The following CELF2 variants were observed in gnomAD, a reference collection of about 807,000 sequenced individuals.
CELF2 encodes the protein CUG triplet repeat RNA-binding protein 2.
A neutral mutation model predicts 62.6 loss-of-function variants in CELF2; 8 were observed. The ratio of observed to expected loss-of-function variants is 0.13; its 90% CI spans 0.07 to 0.23. The LOEUF (loss-of-function observed/expected upper bound fraction) is 0.23. CELF2 is among the 10% of genes least tolerant of loss of function. The pLI, the probability that CELF2 is intolerant of heterozygous loss-of-function variation, is 1.00. For synonymous variants in CELF2, 258 were observed against 250.0 expected (o/e 1.03, Z -0.30); for missense variants, 333 against 671.0 (o/e 0.50, Z 5.56).
At chr10:10,464,535 C>T in the CELF2 span, among the ~76,000 whole-genome samples, 2 of 151,936 alleles carry the variant, frequency 1.3e-5, no homozygotes, top group Non-Finnish European at 2.9e-5. Flanking sequence ...ACCAAAATCC[C>T]GTACGTGAAA....
intron 2 of CELF2, among the ~76,000 whole-genome samples, chr10:10,960,603 A>G (rs2135961386): frequency 6.6e-6 from 1 of 152,216 alleles, no homozygotes; most frequent in East Asian, 1.9e-4. Flanking sequence ...AGTGTATTTT[A>G]TTGTATTGCG....
upstream of CELF2, among the ~76,000 whole-genome samples, chr10:11,001,112 C>T (rs2054476309): frequency 6.6e-6 from 1 of 152,220 alleles, no homozygotes; most frequent in African/African-American, 2.4e-5. Context: ...CACTGCAAAT[C>T]CATTTCTTTT....
At chr10:10,943,982 C>T (rs921190031) in intron 2 of CELF2, among the ~76,000 whole-genome samples, 2 of 152,094 alleles carry the variant, frequency 1.3e-5, no homozygotes, top group African/African-American at 4.8e-5. Context: ...AGTTCTCTAC[C>T]CTCACAAGGG....
intron 2 of CELF2, among the ~76,000 whole-genome samples, chr10:11,201,657 G>A (rs139842812): frequency 6.6e-6 from 1 of 152,312 alleles, no homozygotes; most frequent in Non-Finnish European, 1.5e-5. Context: ...GCAGACACTG[G>A]TAGTCCCTGC....
chr10:10,588,400 G>A, the CELF2 span, among the ~76,000 whole-genome samples: 1 of 152,162 alleles, frequency 6.6e-6, no homozygotes, highest in Admixed American at 6.6e-5. Flanking sequence ...ACTCCTCTGG[G>A]CCTCAGATGA....
Position 11,328,497 on chromosome 10 carries a change from G to A in CELF2, c.1439-429G>A, listed in dbSNP as rs963693306. 2.0e-5 allele frequency among the ~76,000 whole-genome samples: 3 copies of A among 152,198 alleles called. No individual in the cohort carries two copies. The highest frequency in any genetic ancestry group is 2.4e-5 in the African/African-American group (1 of 41,438). ...CTGCCTGTTGGCCTCACCTGGCTGG[G>A]ACACGTGAGCCCCTAGGGGCCCCCA... On this transcript the variant is annotated intron_variant, in intron 12 of 12. Transcript: ENST00000633077. The surrounding 1 kb of genome is among the most constrained non-coding windows in gnomAD (Gnocchi z 6.4).
In CELF2 at chr10:10,951,195, G is replaced by A. The variant is rs76633587; in HGVS notation, c.89+31196G>A. On this transcript the variant is annotated intron_variant, in intron 2 of 13. Coordinates refer to the CELF2 transcript ENST00000636488. ...AGATGGGGTCTCACTCTGTTGCCCAGGCTGGAGATACGATCATAGTTCTCA... is the reference window on the plus strand; with the variant it reads ...AGATGGGGTCTCACTCTGTTGCCCAAGCTGGAGATACGATCATAGTTCTCA... 9.7e-3 allele frequency among the ~76,000 whole-genome samples: 1,479 copies of A among 152,230 alleles called. 17 individuals carry two copies. Among genetic ancestry groups the A allele is most frequent in the African/African-American group, 0.034 (1,407 of 41,526 alleles).
At chr10:10,976,908 CCTT>C (rs2051408802) in intron 2 of CELF2, among the ~76,000 whole-genome samples, 1 of 152,156 alleles carries the variant, frequency 6.6e-6, no homozygotes, top group Admixed American at 6.5e-5. Context: ...TCCAGATAAC[CCTT>C]CTTCTGCCTA....
At chr10:11,162,147 A>G (rs1321367750) in intron 1 of CELF2, among the ~76,000 whole-genome samples, 1 of 151,574 alleles carries the variant, frequency 6.6e-6, no homozygotes, top group East Asian at 1.9e-4. Flanking sequence ...CATACCACCC[A>G]TTTCAGCAGT....
chr10:10,591,784 A>G, the CELF2 span, among the ~76,000 whole-genome samples: 3 of 152,140 alleles, frequency 2.0e-5, no homozygotes, highest in African/African-American at 7.2e-5. Context: ...AGGCTTTGTC[A>G]CCAGTAGCTC....
At chr10:11,035,486 G>T (rs73571699) in intron 1 of CELF2, among the ~76,000 whole-genome samples, 11 of 152,192 alleles carry the variant, frequency 7.2e-5, no homozygotes, top group Admixed American at 7.2e-4. Flanking sequence ...CAGCCAAAGC[G>T]TGACCACAGC....
At chr10:11,102,033 C>T (rs1040044737) in intron 1 of CELF2, 1 of 152,130 alleles carries the variant, frequency 6.6e-6, no homozygotes, top group African/African-American at 2.4e-5. Flanking sequence ...TGGGCCTTTA[C>T]TGAACTAATT....
At chr10:11,265,091 C>T (rs1456892924) in intron 5 of CELF2, among the ~76,000 whole-genome samples, 2 of 152,182 alleles carry the variant, frequency 1.3e-5, no homozygotes, top group Admixed American at 6.5e-5. Flanking sequence ...TTAAAAGGTG[C>T]CGCTACAGTA....
intron 1 of CELF2, among the ~76,000 whole-genome samples, chr10:11,034,549 G>C (rs959313883): frequency 1.6e-4 from 24 of 152,068 alleles, no homozygotes; most frequent in Admixed American, 1.3e-3. Context: ...CTGTTGATTG[G>C]TGGAAATGTG....
At chr10:10,646,014 C>T in the CELF2 span, among the ~76,000 whole-genome samples, 1 of 152,168 alleles carries the variant, frequency 6.6e-6, no homozygotes, top group Non-Finnish European at 1.5e-5. Context: ...ATGCACTAAT[C>T]CTAATCTTTT....
the CELF2 span, among the ~76,000 whole-genome samples, chr10:10,638,753 C>A: frequency 2.0e-5 from 3 of 152,166 alleles, no homozygotes; most frequent in African/African-American, 4.8e-5. Flanking sequence ...TGGCAAAGGA[C>A]TAAGTTTTCT....
At chr10:10,521,439 T>C in the CELF2 span, among the ~76,000 whole-genome samples, 9 of 152,226 alleles carry the variant, frequency 5.9e-5, no homozygotes, top group Admixed American at 5.2e-4. Context: ...AGATTAATCA[T>C]AGCAATTATT....
the CELF2 span, among the ~76,000 whole-genome samples, chr10:10,743,100 CCA>C: frequency 2.6e-5 from 4 of 152,146 alleles, no homozygotes; most frequent in African/African-American, 9.7e-5. Flanking sequence ...ATATTAGATC[CCA>C]CAGAGTTTAC....
chr10:11,071,319 T>C (rs1358964995), intron 1 of CELF2, among the ~76,000 whole-genome samples: 1 of 152,168 alleles, frequency 6.6e-6, no homozygotes, highest in African/African-American at 2.4e-5. Flanking sequence ...TGTCTTATCT[T>C]GGTTTACTCT....
Sources: gnomAD v4.1 joint callset for allele counts (sites outside exome capture counted in the v4.1 genomes callset) on GRCh38, gnomAD v4.1.1 for gene constraint, Gnocchi (gnomAD v3.1) non-coding constraint, MANE v1.5 for transcripts, NCBI Gene and HGNC (gene_info 2026-07-23, HGNC 2026-07-21) for gene names.